Variants in GMIP observed in about 807,000 individuals in gnomAD.
GMIP encodes the protein GEM interacting protein, also known as GEM-interacting protein.
Under a neutral mutation model 105.3 loss-of-function variants are expected in GMIP, and 54 were observed. That is an observed-to-expected ratio of 0.51 (90% CI 0.41 to 0.64). The LOEUF (loss-of-function observed/expected upper bound fraction) is 0.64, where lower values mean the gene tolerates loss of function less well. GMIP is among the 30% of genes least tolerant of loss of function. GMIP has a pLI of 0.00. For synonymous variants in GMIP, 541 were observed against 560.8 expected (o/e 0.96, Z 0.50); for missense variants, 1,110 against 1,319.4 (o/e 0.84, Z 2.46).
chr19:19,635,262 G>A lies in GMIP; in HGVS notation c.1561-49C>T. 1.3e-6 allele frequency: 2 copies of A among 1,564,430 alleles called. No individual in the cohort carries two copies. The highest frequency in any genetic ancestry group is 1.8e-6 in the Non-Finnish European group (2 of 1,142,512). On this transcript the variant is annotated intron_variant, in intron 15 of 20. Transcript: ENST00000203556. This position sits in a 1 kb window ranked among gnomAD's most constrained non-coding sequence, Gnocchi z 4.7. ...GGGAGGTCATTAGGGACCAGTAGGGGAAGAGAAGGTTACAAGGATCCTCAA... is the reference window on the plus strand; with the variant it reads ...GGGAGGTCATTAGGGACCAGTAGGGAAAGAGAAGGTTACAAGGATCCTCAA...
chr19:19,634,456 G>GC lies in GMIP; in HGVS notation c.2084+50dup, dbSNP rs746343912. On this transcript the variant is annotated intron_variant, in intron 18 of 20. Transcript: ENST00000203556. This position sits in a 1 kb window ranked among gnomAD's most constrained non-coding sequence, Gnocchi z 6.1. Reference sequence around the variant, plus strand: ...GGGTCAGCCAGGGAAGTTAGTAGTCGCATGTCCAGGGAAAAGGGTCGCGTT... The same window carrying GC: ...GGGTCAGCCAGGGAAGTTAGTAGTCGCCATGTCCAGGGAAAAGGGTCGCGTT... The GC allele has an allele frequency of 2.7e-6, 4 of 1,467,856 alleles. No homozygotes were observed. In the South Asian group the frequency reaches 4.8e-5, roughly 18 times the overall value. 90.9% of individuals were successfully genotyped at this position (1,467,856 alleles called of 1,614,324 possible).
chr19:19,639,969 T>C (rs886352887), intron 7 of GMIP, 116 bp downstream of exon 7: 7 of 627,834 alleles, frequency 1.1e-5, no homozygotes, highest in Non-Finnish European at 8.7e-6. Context: ...ATCAATGAAA[T>C]GGCGACGTTG....
chr19:19,638,606 G>A (rs1228736247), intron 7 of GMIP, 124 bp from the exon 8 acceptor site: 3 of 713,940 alleles, frequency 4.2e-6, no homozygotes, highest in East Asian at 5.5e-5. Flanking sequence ...TTTTTTTTTC[G>A]AGACGGAGTT....
At chr19:19,639,896 G>A (rs2061899669) in intron 7 of GMIP, among the ~76,000 whole-genome samples, 189 bp downstream of exon 7, 1 of 152,156 alleles carries the variant, frequency 6.6e-6, no homozygotes, top group Non-Finnish European at 1.5e-5. Flanking sequence ...AGGAAGCCCA[G>A]CTTGAATCTT....
At position 19,629,875 on chromosome 19, in the gene GMIP, G is replaced by T. The variant is rs980007230; in HGVS notation, c.*88C>A. 2 of 1,313,244 alleles carry T rather than the reference G, an allele frequency of 1.5e-6. No individual in the cohort carries two copies. Among genetic ancestry groups the T allele is most frequent in the Admixed American group, 2.3e-5 (1 of 43,528 alleles). 81.3% of individuals were successfully genotyped at this position (1,313,244 alleles called of 1,614,324 possible). ...CTCCCAGCATTGAACTCCTGGCGGGGTGTTTGGCCACTAGGTGGTGGGAGG... is the reference window on the plus strand; with the variant it reads ...CTCCCAGCATTGAACTCCTGGCGGGTTGTTTGGCCACTAGGTGGTGGGAGG... On this transcript the variant is annotated 3_prime_UTR_variant, in exon 21 of 21. Transcript: ENST00000203556.
At chr19:19,643,234 C>G in intron 1 of GMIP, 1 of 440,626 alleles carries the variant, frequency 2.3e-6, no homozygotes, top group Non-Finnish European at 4.1e-6. Context: ...CACCCTGCCC[C>G]CATCACAAAA....
intron 1 of GMIP, 56 bp downstream of exon 1, chr19:19,643,455 A>C: frequency 6.8e-7 from 1 of 1,466,980 alleles, no homozygotes; most frequent in Admixed American, 2.0e-5. Context: ...TGTGCCCTCA[A>C]TGTAGGAAGC....
chr19:19,641,959 C>T lies in GMIP; in HGVS notation c.180+17G>A, dbSNP rs1426210719. On this transcript the variant is annotated intron_variant, in intron 3 of 20. Coordinates refer to ENST00000203556, the MANE Select transcript of GMIP (RefSeq NM_016573.4). The stretch of plus-strand genomic sequence containing the variant: ...CTGCTTGAGGTCTTCCTCCCTGTTC[C>T]CCTACTCCCCACTCACAACAGTGGC... 4 of 1,608,106 alleles carry T rather than the reference C, an allele frequency of 2.5e-6. No individual in the cohort carries two copies. Among genetic ancestry groups the T allele is most frequent in the Non-Finnish European group, 3.4e-6 (4 of 1,174,778 alleles).
chr19:19,633,178 C>G (rs1183234011), intron 19 of GMIP, among the ~76,000 whole-genome samples: 1 of 151,942 alleles, frequency 6.6e-6, no homozygotes. Context: ...CCTGCCTCAG[C>G]CTCCTGAGTA....
chr19:19,639,974 A>C, intron 7 of GMIP, 111 bp downstream of exon 7: 1 of 633,980 alleles, frequency 1.6e-6, no homozygotes, highest in Non-Finnish European at 2.9e-6. Flanking sequence ...TGAAATGGCG[A>C]CGTTGGTAGT....
chr19:19,638,216 C>T lies in GMIP; in HGVS notation c.732G>A (p.Pro244=), dbSNP rs1230822665. The T allele has an allele frequency of 1.3e-6, 2 of 1,598,636 alleles. No individual in the cohort carries two copies. The highest frequency in any genetic ancestry group is 4.5e-5 in the East Asian group (2 of 44,700). The change falls in exon 9 of 21, where the codon CCG becomes CCA. Residue 244 remains proline (P), a synonymous_variant. Transcript: ENST00000203556. ...GCCGCTCCTGCTGCTTGCTAGGTCC[C>T]GGCGAGGCCTGGGGGGCCGAGTCCT... ...SPEDSAPQAS[P]GPSKQQERRR...
At position 19,629,873 on chromosome 19, in the gene GMIP, G is replaced by T. The variant is rs2061773640; in HGVS notation, c.*90C>A. 2.3e-6 allele frequency: 3 copies of T among 1,282,864 alleles called. No homozygotes were observed. Among genetic ancestry groups the T allele is most frequent in the Non-Finnish European group, 3.2e-6 (3 of 935,070 alleles). 79.5% of individuals were successfully genotyped at this position (1,282,864 alleles called of 1,614,324 possible). A position where few individuals can be genotyped will look rare whatever the true frequency, so the allele number is the denominator to read the frequency against. On this transcript the variant is annotated 3_prime_UTR_variant, in exon 21 of 21. Transcript: ENST00000203556. ...CTCTCCCAGCATTGAACTCCTGGCGGGGTGTTTGGCCACTAGGTGGTGGGA... is the reference window on the plus strand; with the variant it reads ...CTCTCCCAGCATTGAACTCCTGGCGTGGTGTTTGGCCACTAGGTGGTGGGA...
At chr19:19,640,603 C>T in intron 4 of GMIP, 32 bp from the exon 5 acceptor site, 1 of 1,612,712 alleles carries the variant, frequency 6.2e-7, no homozygotes, top group Non-Finnish European at 8.5e-7. Context: ...CTGACCTTTG[C>T]ACCCTAGTCT....
Position 19,638,248 on chromosome 19 carries a change from A to G in GMIP, c.700T>C (p.Ser234Pro), listed in dbSNP as rs374221219. 28 of 1,603,114 alleles carry G rather than the reference A, an allele frequency of 1.7e-5. No individual in the cohort carries two copies. In the African/African-American group the frequency reaches 3.5e-4, roughly 20 times the overall value. ...SEDLRARSQG[S>P]PEDSAPQASP... ...GCCTGGGGGGCCGAGTCCTCAGGGG[A>G]CCCCTGGGAGCGTGCCCGCAGGTCC... Residue 234 changes from serine to proline, a missense_variant, in exon 9 of 21, where the codon TCC becomes CCC. By Grantham distance (74) the Ser-to-Pro change is moderately conservative. Around this residue, in one of 3 missense-constraint regions of GMIP, gnomAD observed 667 missense variants for 773.2 expected, o/e 0.86. Transcript: ENST00000203556.
In GMIP at chr19:19,634,365, T is replaced by A; in HGVS notation, c.2084+142A>T. On this transcript the variant is annotated intron_variant, in intron 18 of 20. Transcript: ENST00000203556. This position sits in a 1 kb window ranked among gnomAD's most constrained non-coding sequence, Gnocchi z 6.1. ...GGAGGTCAGGGGTCAGTACCCAAAG[T>A]TATGAATCATGGATTAAGGTTCAGA... 2.0e-6 allele frequency: 2 copies of A among 997,016 alleles called. No homozygotes were observed. The highest frequency in any genetic ancestry group is 3.1e-5 in the South Asian group (2 of 64,966). The allele number at this position is 997,016 out of a possible 1,614,324, so 61.8% of individuals were successfully genotyped here.
At position 19,635,764 on chromosome 19, in the gene GMIP, G is replaced by A; in HGVS notation, c.1328-43C>T. The A allele has an allele frequency of 2.6e-6, 4 of 1,544,032 alleles. No homozygotes were observed. The highest frequency in any genetic ancestry group is 3.6e-6 in the Non-Finnish European group (4 of 1,117,170). ...ATGGGAGATTCCTGGGCTATGGGAGGCACTCCTGGTTTTTAGGGCTTCCAG... is the reference window on the plus strand; with the variant it reads ...ATGGGAGATTCCTGGGCTATGGGAGACACTCCTGGTTTTTAGGGCTTCCAG... On this transcript the variant is annotated intron_variant, in intron 13 of 20. Transcript: ENST00000203556. The surrounding 1 kb of genome is among the most constrained non-coding windows in gnomAD (Gnocchi z 4.7).
In GMIP at chr19:19,634,191, C is replaced by A; in HGVS notation, c.2085-1G>T. 6.3e-7 allele frequency: 1 copy of A among 1,589,498 alleles called. No individual in the cohort carries two copies. Among genetic ancestry groups the A allele is most frequent in the South Asian group, 1.1e-5 (1 of 88,874 alleles). On this transcript the variant is annotated splice_acceptor_variant, in intron 18 of 20. Coordinates refer to ENST00000203556, the MANE Select transcript of GMIP (RefSeq NM_016573.4). LOFTEE classifies it high-confidence loss of function. This position sits in a 1 kb window ranked among gnomAD's most constrained non-coding sequence, Gnocchi z 6.1. ...GTTTTCCATAAATCGTGCAGCCACC[C>A]TGGGGATGGTGTGAAGAGAAAGGTC...
chr19:19,641,309 C>T (rs932327097), intron 4 of GMIP, among the ~76,000 whole-genome samples: 16 of 151,772 alleles, frequency 1.1e-4, no homozygotes, highest in Non-Finnish European at 2.4e-4. Flanking sequence ...GTCTCGATCT[C>T]CTGACCTCGT....
In GMIP at chr19:19,630,251, G is replaced by A. The variant is rs1178496969; in HGVS notation, c.2625C>T (p.Gly875=). The A allele has an allele frequency of 1.5e-5, 23 of 1,570,378 alleles. No individual in the cohort carries two copies. Among genetic ancestry groups the A allele is most frequent in the African/African-American group, 5.4e-5 (4 of 73,668 alleles). ...FSRQPVKYPR[G]GVRPVTHQLS... The stretch of plus-strand genomic sequence containing the variant: ...GCTGGTGGGTTACAGGCCTCACACC[G>A]CCCCGGGGATACTTCACTGGCTGGC... The change falls in exon 21 of 21, where the codon GGC becomes GGT. Residue 875 remains glycine (G), a synonymous_variant. Transcript: ENST00000203556. This position sits in a 1 kb window ranked among gnomAD's most constrained non-coding sequence, Gnocchi z 4.8.
Sources: allele counts gnomAD v4.1 joint callset (sites outside exome capture counted in the v4.1 genomes callset), GRCh38; gene constraint gnomAD v4.1.1; regional missense constraint gnomAD v4.1.1; non-coding constraint Gnocchi (gnomAD v3.1); transcripts MANE v1.5; gene names NCBI Gene and HGNC (gene_info 2026-07-23, HGNC 2026-07-21).